The following ANKRD17 variants were observed in gnomAD, a reference collection of about 807,000 sequenced individuals.
ANKRD17 encodes the protein ankyrin repeat domain 17.
ANKRD17 carries 19 observed loss-of-function variants against 229.7 expected under a neutral mutation model. The ratio of observed to expected loss-of-function variants is 0.08; its 90% CI spans 0.06 to 0.12. The LOEUF (loss-of-function observed/expected upper bound fraction) is 0.12. ANKRD17 is among the 10% of genes least tolerant of loss of function. The probability of loss-of-function intolerance (pLI) is 1.00; values close to 1 mark genes in which losing one functional copy is unlikely to be tolerated. For missense variants in ANKRD17, 2,176 were observed against 3,176.8 expected, an observed-to-expected ratio of 0.68 and a Z score of 7.57; for synonymous variants, 1,112 against 1,146.1, an observed-to-expected ratio of 0.97 and a Z score of 0.60.
chr4:73,120,482 C>A (rs1726573132), intron 20 of ANKRD17, 145 bp from the exon 21 acceptor site: 2 of 699,368 alleles, frequency 2.9e-6, no homozygotes, highest in Non-Finnish European at 4.7e-6. Flanking sequence ...CTTATTAGCT[C>A]CTTTGAGTTA....
rs1038174931 is a variant in ANKRD17 at position 73,186,615 on chromosome 4, G to A, written c.394-9082C>T. ...TTGTTCTATAGCACTTTCGTAAAAC[G>A]TGACTTCTTATGCTTCAAACTGCTA... On this transcript the variant is annotated intron_variant, in intron 1 of 33. Transcript: ENST00000358602. 3.3e-5 allele frequency among the ~76,000 whole-genome samples: 5 copies of A among 152,158 alleles called. No homozygotes were observed. The South Asian group carries it at 8.3e-4, about 25-fold the overall frequency.
intron 1 of ANKRD17, among the ~76,000 whole-genome samples, chr4:73,218,789 T>C (rs1004730722): frequency 6.6e-6 from 1 of 152,022 alleles, no homozygotes; most frequent in African/African-American, 2.4e-5. Context: ...ACTCAATAAA[T>C]GCAGTGGCTC....
At chr4:73,179,045 G>A (rs1735099143) in intron 1 of ANKRD17, among the ~76,000 whole-genome samples, 1 of 151,948 alleles carries the variant, frequency 6.6e-6, no homozygotes, top group Non-Finnish European at 1.5e-5. Flanking sequence ...ACAACTTAAG[G>A]AATAAATCCT....
At chr4:73,167,419 C>T (rs546799536) in intron 2 of ANKRD17, among the ~76,000 whole-genome samples, 18 of 152,200 alleles carry the variant, frequency 1.2e-4, no homozygotes, top group African/African-American at 3.8e-4. Flanking sequence ...CTATTTGCAT[C>T]GTATGAAAAG....
chr4:73,148,687 T>C (rs1356119648), intron 8 of ANKRD17, 126 bp downstream of exon 8: 7 of 838,480 alleles, frequency 8.3e-6, no homozygotes, highest in Non-Finnish European at 1.3e-5. Flanking sequence ...AAATACTTTA[T>C]CACTGGTTTG....
intron 1 of ANKRD17, among the ~76,000 whole-genome samples, chr4:73,257,282 A>G (rs1745534474): frequency 6.6e-6 from 1 of 152,204 alleles, no homozygotes; most frequent in South Asian, 2.1e-4. Context: ...GGTTGTCAGT[A>G]TGGTATGTTT....
At chr4:73,124,362 C>T (rs1002692095) in intron 18 of ANKRD17, among the ~76,000 whole-genome samples, 4 of 143,744 alleles carry the variant, frequency 2.8e-5, no homozygotes, top group African/African-American at 7.8e-5. Flanking sequence ...GCTACATTTT[C>T]TTGAGCCTAG....
intron 15 of ANKRD17, among the ~76,000 whole-genome samples, chr4:73,138,427 G>C (rs1292317781): frequency 6.6e-6 from 1 of 152,056 alleles, no homozygotes; most frequent in Non-Finnish European, 1.5e-5. Flanking sequence ...ATCTATCTCA[G>C]CTGGATTCTT....
Position 73,212,382 on chromosome 4 carries a change from A to G in ANKRD17, c.394-34849T>C, listed in dbSNP as rs117215498. ...TTTCCATTTACCTAACACTTTATAAAAGATATATTCTTCCATAATTCATAA... is the reference window on the plus strand; with the variant it reads ...TTTCCATTTACCTAACACTTTATAAGAGATATATTCTTCCATAATTCATAA... On this transcript the variant is annotated intron_variant, in intron 1 of 33. Transcript: ENST00000358602. Among the ~76,000 whole-genome samples, 21 of 152,314 alleles carry G rather than the reference A, an allele frequency of 1.4e-4. No homozygotes were observed. In the East Asian group the frequency reaches 4.1e-3, roughly 29 times the overall value.
chr4:73,126,454 T>C (rs998227914), intron 16 of ANKRD17, among the ~76,000 whole-genome samples: 8 of 151,980 alleles, frequency 5.3e-5, no homozygotes, highest in Non-Finnish European at 4.4e-5. Flanking sequence ...AACTGAGAAG[T>C]AGGCCTTGAA....
In ANKRD17 at chr4:73,091,120, T is replaced by C. The variant is rs759571762; in HGVS notation, c.6508A>G (p.Thr2170Ala). 7.4e-6 allele frequency: 12 copies of C among 1,613,776 alleles called. No homozygotes were observed. The highest frequency in any genetic ancestry group is 1.0e-5 in the Non-Finnish European group (12 of 1,179,974). Reference protein sequence around the residue: ...PQTPMGCPQPTPKMETPAIRP... With the variant: ...PQTPMGCPQPAPKMETPAIRP... Reference sequence around the variant, plus strand: ...ATAGCAGGGGTTTCCATTTTAGGAGTAGGCTGGGGGCATCCCATTGGTGTC... The same window carrying C: ...ATAGCAGGGGTTTCCATTTTAGGAGCAGGCTGGGGGCATCCCATTGGTGTC... Residue 2170 changes from threonine to alanine, a missense_variant, in exon 29 of 34, where the codon ACT becomes GCT. By Grantham distance (58) the Thr-to-Ala change is moderately conservative. Transcript: ENST00000358602.
intron 2 of ANKRD17, among the ~76,000 whole-genome samples, chr4:73,171,178 G>GGAGAGAGGGAGA (rs1553928535): frequency 8.2e-4 from 86 of 104,500 alleles, no homozygotes; most frequent in African/African-American, 3.3e-3. Flanking sequence ...CTCAGAGGGG[G>GGAGAGAGGGAGA]GAGAGAGAGA....
At chr4:73,118,634 C>T in intron 22 of ANKRD17, 54 bp downstream of exon 22, 1 of 1,594,734 alleles carries the variant, frequency 6.3e-7, no homozygotes. Context: ...AAGCCATGTA[C>T]TTCCTAGTGT....
At chr4:73,172,508 G>A (rs79403388) in intron 2 of ANKRD17, among the ~76,000 whole-genome samples, 4,384 of 152,226 alleles carry the variant, frequency 0.029, 205 homozygotes, top group African/African-American at 0.1. Context: ...TAACTACAGA[G>A]AATATTATAA....
chr4:73,139,295 T>C (rs1447320974), intron 15 of ANKRD17, among the ~76,000 whole-genome samples: 2 of 152,124 alleles, frequency 1.3e-5, no homozygotes, highest in Non-Finnish European at 2.9e-5. Flanking sequence ...AAAACCTAGA[T>C]TCTCAAGCTA....
chr4:73,156,192 C>G, intron 3 of ANKRD17, 26 bp from the exon 4 acceptor site: 1 of 1,563,582 alleles, frequency 6.4e-7, no homozygotes, highest in Non-Finnish European at 8.6e-7. Context: ...TATCACAATA[C>G]CAGAATATAA....
intron 24 of ANKRD17, among the ~76,000 whole-genome samples, chr4:73,103,490 AT>A (rs541586557): frequency 1.5e-4 from 23 of 152,326 alleles, no homozygotes; most frequent in Non-Finnish European, 3.1e-4. Context: ...GTCCAAAAAT[AT>A]ATCTTAATAA....
intron 1 of ANKRD17, among the ~76,000 whole-genome samples, chr4:73,189,472 C>T (rs1736757230): frequency 7.4e-6 from 1 of 134,890 alleles, no homozygotes; most frequent in African/African-American, 2.9e-5. Flanking sequence ...TCTTGGTTCA[C>T]TGCAACCTCC....
intron 16 of ANKRD17, among the ~76,000 whole-genome samples, chr4:73,132,991 A>G (rs1381082449): frequency 1.3e-5 from 2 of 152,200 alleles, no homozygotes; most frequent in Non-Finnish European, 2.9e-5. Context: ...ACACGCCTGT[A>G]ATCCCAGCAC....
Sources: gnomAD v4.1 joint callset for allele counts (sites outside exome capture counted in the v4.1 genomes callset) on GRCh38, gnomAD v4.1.1 for gene constraint, MANE v1.5 for transcripts, NCBI Gene and HGNC (gene_info 2026-07-23, HGNC 2026-07-21) for gene names.